Variants in MYT1L observed in about 807,000 individuals in gnomAD.
MYT1L encodes myelin transcription factor 1-like protein.
Under a neutral mutation model 126.7 loss-of-function variants are expected in MYT1L, and 12 were observed. The observed-to-expected ratio is 0.09, with a 90% CI of 0.06 to 0.15. The LOEUF (loss-of-function observed/expected upper bound fraction) is 0.15, where lower values mean the gene tolerates loss of function less well. Ranked by LOEUF, MYT1L falls within the 10% of genes least tolerant of loss-of-function variation. MYT1L has a pLI of 1.00. For missense variants in MYT1L, 979 were observed against 1,585.2 expected, an observed-to-expected ratio of 0.62 and a Z score of 6.49; for synonymous variants, 541 against 604.2, an observed-to-expected ratio of 0.90 and a Z score of 1.53.
Position 1,887,550 on chromosome 2 carries a change from C to G in MYT1L, c.2580G>C (p.Val860=). Reference sequence around the variant, plus strand: ...ACTTGGGTTTGGGACTTGGGATGGTCACCTCCCCGGGATACCGTCTTTCTT... The same window carrying G: ...ACTTGGGTTTGGGACTTGGGATGGTGACCTCCCCGGGATACCGTCTTTCTT... ...ALEERRYPGE[V]TIPSPKPKYP... Residue 860 remains valine (V), a synonymous_variant, in exon 17 of 25, where the codon GTG becomes GTC. Coordinates refer to ENST00000647738, the MANE Select transcript of MYT1L (RefSeq NM_001303052.2). The surrounding 1 kb of genome is among the most constrained non-coding windows in gnomAD (Gnocchi z 4.8). The G allele has an allele frequency of 6.2e-7, 1 of 1,613,938 alleles. No homozygotes were observed. The highest frequency in any genetic ancestry group is 8.5e-7 in the Non-Finnish European group (1 of 1,179,866).
intron 3 of MYT1L, among the ~76,000 whole-genome samples, chr2:2,113,318 C>A (rs1255826273): frequency 6.6e-6 from 1 of 152,186 alleles, no homozygotes; most frequent in Admixed American, 6.5e-5. Context: ...GCCCACTAAG[C>A]CTGCTGTATG....
Position 1,914,422 on chromosome 2 carries a change from T to C in MYT1L, c.1619-2312A>G, listed in dbSNP as rs563748792. Among the ~76,000 whole-genome samples the C allele has an allele frequency of 4.6e-5, 7 of 152,256 alleles. No homozygotes were observed. In the South Asian group the frequency reaches 1.2e-3, roughly 27 times the overall value. On this transcript the variant is annotated intron_variant, in intron 11 of 24. Transcript: ENST00000647738. ...TGTGCGTCATCTTACCATACATTCA[T>C]GGCCAAACTTCCCATGTATGGACCC...
chr2:1,900,404 A>C (rs191441398), intron 14 of MYT1L, among the ~76,000 whole-genome samples: 2 of 151,702 alleles, frequency 1.3e-5, no homozygotes, highest in Admixed American at 1.3e-4. Flanking sequence ...GGTTCATGCC[A>C]TTCTCCTGCC....
At position 1,848,450 on chromosome 2, in the gene MYT1L, C is replaced by T. The variant is rs35504592; in HGVS notation, c.2774+3191G>A. ...CAGGATCATTGTTTGGTGACTTCCCCTCTCACAACAGCCCACAGTACAGGA... is the reference window on the plus strand; with the variant it reads ...CAGGATCATTGTTTGGTGACTTCCCTTCTCACAACAGCCCACAGTACAGGA... On this transcript the variant is annotated intron_variant, in intron 19 of 24. Transcript: ENST00000647738. The surrounding 1 kb of genome is among the most constrained non-coding windows in gnomAD (Gnocchi z 4.8). Among the ~76,000 whole-genome samples, 2 of 151,886 alleles carry T rather than the reference C, an allele frequency of 1.3e-5. No individual in the cohort carries two copies. The highest frequency in any genetic ancestry group is 6.6e-5 in the Admixed American group (1 of 15,258).
chr2:1,824,081 G>C (rs1334300983), intron 21 of MYT1L, among the ~76,000 whole-genome samples: 1 of 152,178 alleles, frequency 6.6e-6, no homozygotes, highest in African/African-American at 2.4e-5. Context: ...CTCTCCATGG[G>C]GGTTGGGGAA....
At chr2:1,876,553 C>T (rs1003310725) in intron 18 of MYT1L, among the ~76,000 whole-genome samples, 3 of 152,116 alleles carry the variant, frequency 2.0e-5, no homozygotes, top group East Asian at 1.9e-4. Context: ...CCCCATGGCC[C>T]GTGGCCAGAG....
chr2:2,049,056 C>T (rs962815880), intron 4 of MYT1L, among the ~76,000 whole-genome samples: 1 of 152,086 alleles, frequency 6.6e-6, no homozygotes, highest in African/African-American at 2.4e-5. Flanking sequence ...TTAATGAAAT[C>T]ATAACAATTA....
chr2:2,199,100 T>TA (rs1246940646), intron 2 of MYT1L, among the ~76,000 whole-genome samples: 3 of 152,238 alleles, frequency 2.0e-5, no homozygotes, highest in East Asian at 1.9e-4. Flanking sequence ...TAGATTATTT[T>TA]AAAAAAATGA....
At chr2:2,133,110 C>T (rs905309858) in intron 3 of MYT1L, among the ~76,000 whole-genome samples, 14 of 152,168 alleles carry the variant, frequency 9.2e-5, no homozygotes, top group African/African-American at 2.4e-4. Context: ...TAAGAGACGG[C>T]GCTTTTTGAA....
In MYT1L at chr2:1,912,243, G is replaced by A; in HGVS notation, c.1619-133C>T. ...TCCTACAAACGTTTGTGATGGGCAT[G>A]GCCAGGAAAACACACATGGGAGGAG... On this transcript the variant is annotated intron_variant, in intron 11 of 24. Coordinates refer to ENST00000647738, the MANE Select transcript of MYT1L (RefSeq NM_001303052.2). This position sits in a 1 kb window ranked among gnomAD's most constrained non-coding sequence, Gnocchi z 4.3. 1.8e-6 allele frequency: 1 copy of A among 541,390 alleles called. No individual in the cohort carries two copies. Among genetic ancestry groups the A allele is most frequent in the South Asian group, 3.6e-5 (1 of 27,902 alleles). The allele number at this position is 541,390 out of a possible 1,614,324, so 33.5% of individuals were successfully genotyped here. A position where few individuals can be genotyped will look rare whatever the true frequency, so the allele number is the denominator to read the frequency against.
At chr2:2,120,579 G>A (rs527410140) in intron 3 of MYT1L, among the ~76,000 whole-genome samples, 2 of 151,836 alleles carry the variant, frequency 1.3e-5, no homozygotes, top group African/African-American at 2.4e-5. Flanking sequence ...GGCTCTGTAC[G>A]CTGGTACACT....
At chr2:1,890,641 AGT>A (rs1162520301) in intron 15 of MYT1L, among the ~76,000 whole-genome samples, 1 of 151,770 alleles carries the variant, frequency 6.6e-6, no homozygotes, top group African/African-American at 2.4e-5. Context: ...ATGGACAGAA[AGT>A]TAAAAAAAAA....
chr2:2,030,899 C>A (rs2066166150), intron 4 of MYT1L, among the ~76,000 whole-genome samples: 1 of 152,178 alleles, frequency 6.6e-6, no homozygotes, highest in Non-Finnish European at 1.5e-5. Context: ...TTTTTCACTT[C>A]TTAAAATTGA....
At position 1,801,941 on chromosome 2, in the gene MYT1L, C is replaced by A. The variant is rs2034925605; in HGVS notation, c.3173-142G>T. On this transcript the variant is annotated intron_variant, in intron 22 of 24. Transcript: ENST00000647738. This position sits in a 1 kb window ranked among gnomAD's most constrained non-coding sequence, Gnocchi z 4.2. ...ACTCTTGAATTAGAAAGGAAAAAAT[C>A]ATCACAATCTCTGTGTCTTTCTATT... The A allele has an allele frequency of 5.1e-6, 3 of 585,928 alleles. No individual in the cohort carries two copies. Among genetic ancestry groups the A allele is most frequent in the Non-Finnish European group, 8.9e-6 (3 of 338,522 alleles). 36.3% of individuals were successfully genotyped at this position (585,928 alleles called of 1,614,324 possible).
intron 8 of MYT1L, among the ~76,000 whole-genome samples, chr2:1,955,800 T>C (rs1338664884): frequency 6.6e-6 from 1 of 152,198 alleles, no homozygotes; most frequent in Non-Finnish European, 1.5e-5. Context: ...TTTGATAATA[T>C]CTTGGCTGGA....
chr2:2,036,473 G>A (rs993317576), intron 4 of MYT1L, among the ~76,000 whole-genome samples: 1 of 150,972 alleles, frequency 6.6e-6, no homozygotes, highest in African/African-American at 2.4e-5. Context: ...TCCAATGCGG[G>A]TGCAGAAGAG....
intron 1 of MYT1L, among the ~76,000 whole-genome samples, chr2:2,323,626 A>C (rs1289876683): frequency 6.6e-6 from 1 of 152,232 alleles, no homozygotes; most frequent in East Asian, 1.9e-4. Context: ...TGACAATAGA[A>C]AATTAGGATT....
intron 4 of MYT1L, among the ~76,000 whole-genome samples, chr2:2,038,951 G>C (rs763815708): frequency 6.6e-6 from 1 of 151,972 alleles, no homozygotes; most frequent in African/African-American, 2.4e-5. Context: ...GGCTCCTTTC[G>C]CCACAGCCCT....
chr2:1,955,600 G>T (rs1480082521), intron 8 of MYT1L, among the ~76,000 whole-genome samples: 2 of 152,122 alleles, frequency 1.3e-5, no homozygotes, highest in African/African-American at 4.8e-5. Flanking sequence ...TAGTTTAATG[G>T]GCATCAGGCT....
Sources: gnomAD v4.1 joint callset for allele counts (sites outside exome capture counted in the v4.1 genomes callset) on GRCh38, gnomAD v4.1.1 for gene constraint, Gnocchi (gnomAD v3.1) non-coding constraint, MANE v1.5 for transcripts, NCBI Gene and HGNC (gene_info 2026-07-23, HGNC 2026-07-21) for gene names.